BOP1: variants seen among roughly 807,000 people sequenced by gnomAD.
The protein encoded by BOP1 is ribosome biogenesis protein BOP1.
In BOP1, 54 loss-of-function variants were observed where a neutral mutation model predicts 82.9. The observed-to-expected ratio is 0.65, with a 90% CI of 0.52 to 0.82. The LOEUF is 0.82. BOP1 is among the 40% of genes least tolerant of loss of function. The probability of loss-of-function intolerance (pLI) is 0.00; values close to 1 mark genes in which losing one functional copy is unlikely to be tolerated. For missense variants in BOP1, 1,170 were observed against 1,072.0 expected, an observed-to-expected ratio of 1.09 and a Z score of -1.28; for synonymous variants, 566 against 451.1, an observed-to-expected ratio of 1.25 and a Z score of -3.23.
intron 3 of BOP1, among the ~76,000 whole-genome samples, chr8:144,273,150 C>G (rs950023606): frequency 6.6e-6 from 1 of 152,142 alleles, no homozygotes; most frequent in Admixed American, 6.5e-5. Context: ...CCTGAGTGCG[C>G]GGGGCCAGGA....
At position 144,264,270 on chromosome 8, in the gene BOP1, G is replaced by A. The variant is rs1845305436; in HGVS notation, c.933C>T (p.Ala311=). The A allele has an allele frequency of 1.5e-5, 24 of 1,610,888 alleles. No homozygotes were observed. Among genetic ancestry groups the A allele is most frequent in the South Asian group, 3.3e-5 (3 of 90,928 alleles). ...PAPKLALPGH[A]ESYNPPPEYL... ...ATTCAGGGGGTGGGTTGTACGACTC[G>A]GCGTGGCCTGGCAGGGCCAGCTTGG... Residue 311 remains alanine, a synonymous_variant, in exon 7 of 16, where the codon GCC becomes GCT. Coordinates refer to ENST00000569669, the MANE Select transcript of BOP1 (RefSeq NM_015201.5).
chr8:144,268,930 G>C (rs1845443364), intron 3 of BOP1, among the ~76,000 whole-genome samples: 1 of 145,026 alleles, frequency 6.9e-6, no homozygotes, highest in Non-Finnish European at 1.5e-5. Context: ...GGAGCGAGCT[G>C]TGCTGCCCAG....
intron 3 of BOP1, among the ~76,000 whole-genome samples, chr8:144,271,865 T>A (rs1845497918): frequency 6.6e-6 from 1 of 152,028 alleles, no homozygotes. Flanking sequence ...GGCACACAGC[T>A]CGGCCTTCTC....
At position 144,263,000 on chromosome 8, in the gene BOP1, G is replaced by A; in HGVS notation, c.1747C>T (p.Gln583Ter). The A allele has an allele frequency of 6.4e-7, 1 of 1,557,366 alleles. No homozygotes were observed. The highest frequency in any genetic ancestry group is 2.3e-5 in the East Asian group (1 of 42,764). The change falls in exon 13 of 16, where the codon CAG becomes TAG. Residue 583 changes from glutamine to a stop codon, truncating the protein, a stop_gained. Transcript: ENST00000569669. LOFTEE classifies it high-confidence loss of function. ...CGGGCAGGGTGGAAGGCCACTCGCT[G>A]CACCTGTCCGTGGCTGCGGCGGAAC... ...SPFRRSHGQV[Q>*]RVAFHPARPF...
At chr8:144,285,038 G>A (rs1170001780) in intron 2 of BOP1, among the ~76,000 whole-genome samples, 1 of 152,230 alleles carries the variant, frequency 6.6e-6, no homozygotes, top group Non-Finnish European at 1.5e-5. Flanking sequence ...GTCTGGGTTG[G>A]TTTGGGGCAC....
intron 3 of BOP1, among the ~76,000 whole-genome samples, chr8:144,275,365 C>T (rs1413251807): frequency 1.3e-5 from 2 of 152,160 alleles, no homozygotes; most frequent in Non-Finnish European, 2.9e-5. Context: ...CCAGCCCCTC[C>T]CAAATGAGGG....
chr8:144,280,577 G>A (rs1371155860), intron 2 of BOP1, among the ~76,000 whole-genome samples: 1 of 152,266 alleles, frequency 6.6e-6, no homozygotes, highest in Non-Finnish European at 1.5e-5. Flanking sequence ...GGAAGGCCGG[G>A]CCCAGTGGCT....
chr8:144,267,314 C>T, intron 3 of BOP1: 1 of 1,113,892 alleles, frequency 9.0e-7, no homozygotes, highest in Non-Finnish European at 1.2e-6. Flanking sequence ...GTAACACAGG[C>T]CTGCCGGGGG....
In BOP1 at chr8:144,262,772, C is replaced by G. The variant is rs1310261882; in HGVS notation, c.1894+81G>C. The G allele has an allele frequency of 3.6e-6, 5 of 1,378,550 alleles. No individual in the cohort carries two copies. The African/African-American group carries it at 9.1e-5, about 25-fold the overall frequency. The allele number at this position is 1,378,550 out of a possible 1,614,324, so 85.4% of individuals were successfully genotyped here. A position where few individuals can be genotyped will look rare whatever the true frequency, so the allele number is the denominator to read the frequency against. ...CCCTCACCTGCAGGGTGCACTGCCC[C>G]TACCCCCACCCCTCACCTGCAGGGT... On this transcript the variant is annotated intron_variant, in intron 13 of 15. Transcript: ENST00000569669.
chr8:144,262,701 T>C (rs1402562834), intron 13 of BOP1, 29 bp from the exon 14 acceptor site: 2 of 1,607,684 alleles, frequency 1.2e-6, no homozygotes, highest in African/African-American at 2.7e-5. Flanking sequence ...ATGCAGGTGT[T>C]CCCGCTCTCA....
At chr8:144,265,322 C>T in intron 3 of BOP1, 1 of 589,190 alleles carries the variant, frequency 1.7e-6, no homozygotes, top group East Asian at 2.8e-5. Context: ...TGAAGTGGTG[C>T]CAACCCCAGA....
At chr8:144,274,543 T>C (rs1298492620) in intron 3 of BOP1, among the ~76,000 whole-genome samples, 1 of 152,234 alleles carries the variant, frequency 6.6e-6, no homozygotes, top group Non-Finnish European at 1.5e-5. Context: ...GGGCCTGGCC[T>C]GGCTCCTGAA....
chr8:144,281,324 T>C (rs1486076079), intron 2 of BOP1, among the ~76,000 whole-genome samples: 12 of 9,648 alleles, frequency 1.2e-3, no homozygotes, highest in Admixed American at 2.8e-3. Flanking sequence ...TTTGGCCTTC[T>C]CTCAGTTTAA....
intron 2 of BOP1, among the ~76,000 whole-genome samples, chr8:144,284,281 G>C (rs1333856201): frequency 6.6e-6 from 1 of 152,180 alleles, no homozygotes; most frequent in Non-Finnish European, 1.5e-5. Context: ...CTGAGTGACA[G>C]AGTGAGACCC....
chr8:144,267,874 A>G (rs1488530510), intron 3 of BOP1, among the ~76,000 whole-genome samples: 3 of 152,170 alleles, frequency 2.0e-5, no homozygotes, highest in Admixed American at 1.3e-4. Context: ...TCCTCTCCAG[A>G]CAGCACGCGC....
chr8:144,265,425 C>T, intron 3 of BOP1: 1 of 409,092 alleles, frequency 2.4e-6, no homozygotes, highest in South Asian at 3.1e-5. Flanking sequence ...CTGGCAGGGG[C>T]CTTAGGCAGA....
chr8:144,283,793 G>A (rs1329876374), intron 2 of BOP1, among the ~76,000 whole-genome samples: 1 of 152,252 alleles, frequency 6.6e-6, no homozygotes, highest in Non-Finnish European at 1.5e-5. Flanking sequence ...TCACCGCCTA[G>A]CGGAGGGACG....
At chr8:144,277,437 C>T (rs1005608751) in intron 2 of BOP1, among the ~76,000 whole-genome samples, 3 of 152,218 alleles carry the variant, frequency 2.0e-5, no homozygotes, top group Admixed American at 6.5e-5. Flanking sequence ...GTTCCACACC[C>T]GGCTGCGGTC....
At chr8:144,288,388 C>T (rs1332890401) in intron 2 of BOP1, among the ~76,000 whole-genome samples, 1 of 151,132 alleles carries the variant, frequency 6.6e-6, no homozygotes, top group African/African-American at 2.4e-5. Flanking sequence ...ATTAGCCGGG[C>T]GTGATGGCAT....
Sources: allele counts gnomAD v4.1 joint callset (sites outside exome capture counted in the v4.1 genomes callset), GRCh38; gene constraint gnomAD v4.1.1; transcripts MANE v1.5; gene names NCBI Gene and HGNC (gene_info 2026-07-23, HGNC 2026-07-21).